The following PDE1A variants were observed in gnomAD, a reference collection of about 807,000 sequenced individuals.
PDE1A encodes phosphodiesterase 1A.
A neutral mutation model predicts 61.7 loss-of-function variants in PDE1A; 35 were observed. The observed-to-expected ratio is 0.57, with a 90% CI of 0.43 to 0.75. PDE1A has a LOEUF of 0.75. Among genes scored for constraint, PDE1A ranks in the 30% least tolerant of loss-of-function variants. The pLI, the probability that PDE1A is intolerant of heterozygous loss-of-function variation, is 0.00. For synonymous variants in PDE1A, 232 were observed against 213.2 expected (o/e 1.09, Z -0.77); for missense variants, 597 against 630.6 (o/e 0.95, Z 0.57).
chr2:182,565,501 G>A, the PDE1A span, among the ~76,000 whole-genome samples: 16 of 152,124 alleles, frequency 1.1e-4, no homozygotes, highest in Non-Finnish European at 2.4e-4. Flanking sequence ...TCGGGGGTCA[G>A]GGATCAGGGA....
downstream of PDE1A, among the ~76,000 whole-genome samples, chr2:182,145,195 A>G (rs972770356): frequency 2.0e-5 from 3 of 152,258 alleles, no homozygotes; most frequent in Admixed American, 6.5e-5. Context: ...CATATACTGT[A>G]GGACTGTATC....
chr2:182,453,135 T>C (rs1180117343), intron 2 of PDE1A, among the ~76,000 whole-genome samples: 1 of 152,152 alleles, frequency 6.6e-6, no homozygotes, highest in African/African-American at 2.4e-5. Flanking sequence ...GGCCTAAAAA[T>C]GATCAGATAA....
At chr2:182,666,737 A>G in the PDE1A span, among the ~76,000 whole-genome samples, 97,579 of 152,022 alleles carry the variant, frequency 0.64, 31,814 homozygotes, top group Middle Eastern at 0.78. Flanking sequence ...ACCAGGGAAG[A>G]AATTACCAGC....
At chr2:182,593,060 A>C in the PDE1A span, among the ~76,000 whole-genome samples, 1 of 152,208 alleles carries the variant, frequency 6.6e-6, no homozygotes, top group Non-Finnish European at 1.5e-5. Context: ...TCTACACACA[A>C]CACCATTAAT....
At chr2:182,685,293 A>T in the PDE1A span, among the ~76,000 whole-genome samples, 2 of 152,182 alleles carry the variant, frequency 1.3e-5, no homozygotes, top group Non-Finnish European at 2.9e-5. Context: ...TTTGTAGTTA[A>T]CAAAAGGACA....
chr2:182,542,285 A>G, the PDE1A span, among the ~76,000 whole-genome samples: 1 of 152,158 alleles, frequency 6.6e-6, no homozygotes, highest in East Asian at 1.9e-4. Flanking sequence ...GCTCAATTTC[A>G]CAAAAAGATG....
the PDE1A span, among the ~76,000 whole-genome samples, chr2:182,642,219 G>A: frequency 6.6e-6 from 1 of 152,098 alleles, no homozygotes. Flanking sequence ...GGGGCTCAAC[G>A]CTTTGGAAAC....
chr2:182,601,901 T>C, the PDE1A span, among the ~76,000 whole-genome samples: 6 of 152,156 alleles, frequency 3.9e-5, no homozygotes, highest in African/African-American at 4.8e-5. Context: ...AATTGGTCCA[T>C]GGGCAGCCAT....
chr2:182,609,644 A>T, the PDE1A span, among the ~76,000 whole-genome samples: 2 of 152,342 alleles, frequency 1.3e-5, no homozygotes, highest in Middle Eastern at 3.4e-3. Context: ...ACCCACCAGA[A>T]GGAACAAACT....
chr2:182,297,770 C>T (rs1444812793), intron 1 of PDE1A, among the ~76,000 whole-genome samples: 1 of 152,178 alleles, frequency 6.6e-6, no homozygotes, highest in Non-Finnish European at 1.5e-5. Flanking sequence ...CCTATGCTTC[C>T]AGAATCACAC....
intron 13 of PDE1A, among the ~76,000 whole-genome samples, chr2:182,148,710 C>G (rs1049772816): frequency 6.6e-6 from 1 of 152,150 alleles, no homozygotes. Flanking sequence ...TCTACACAGC[C>G]GTCTCTCCTT....
chr2:182,369,494 G>T (rs558749877), intron 1 of PDE1A, among the ~76,000 whole-genome samples: 1 of 152,182 alleles, frequency 6.6e-6, no homozygotes, highest in South Asian at 2.1e-4. Context: ...GGAAATAAGG[G>T]GGAAACGTTT....
At chr2:182,453,945 G>C (rs567295184) in intron 2 of PDE1A, among the ~76,000 whole-genome samples, 3 of 151,800 alleles carry the variant, frequency 2.0e-5, no homozygotes, top group Admixed American at 2.0e-4. Context: ...AGGAAATAAA[G>C]GGTATTCAAT....
At chr2:182,488,862 T>C (rs1688193354) in intron 2 of PDE1A, among the ~76,000 whole-genome samples, 1 of 152,132 alleles carries the variant, frequency 6.6e-6, no homozygotes, top group Non-Finnish European at 1.5e-5. Flanking sequence ...CGAAAAACAG[T>C]GGATGTCAAC....
chr2:182,370,839 G>A (rs773482370), intron 1 of PDE1A, among the ~76,000 whole-genome samples: 3 of 152,232 alleles, frequency 2.0e-5, no homozygotes, highest in Non-Finnish European at 4.4e-5. Context: ...TTAGGAGTTC[G>A]TTGAATGCAT....
At chr2:182,309,894 G>A (rs182707762) in intron 1 of PDE1A, among the ~76,000 whole-genome samples, 27 of 152,178 alleles carry the variant, frequency 1.8e-4, no homozygotes, top group African/African-American at 6.3e-4. Flanking sequence ...GTTAAAATAG[G>A]AATCAAAGGC....
the PDE1A span, among the ~76,000 whole-genome samples, chr2:182,637,953 A>C: frequency 6.6e-6 from 1 of 152,160 alleles, no homozygotes; most frequent in Non-Finnish European, 1.5e-5. Context: ...CATACAAAAA[A>C]GGAAAAGACC....
At chr2:182,552,148 AT>A in the PDE1A span, among the ~76,000 whole-genome samples, 1 of 152,252 alleles carries the variant, frequency 6.6e-6, no homozygotes, top group Non-Finnish European at 1.5e-5. Context: ...GAACCCAAAT[AT>A]TCCCATTACC....
At chr2:182,285,680 T>G (rs1694110576) in intron 1 of PDE1A, among the ~76,000 whole-genome samples, 1 of 152,100 alleles carries the variant, frequency 6.6e-6, no homozygotes, top group Non-Finnish European at 1.5e-5. Flanking sequence ...TGCAGCAGCT[T>G]GGCTTGGCAT....
Sources: gnomAD v4.1 joint callset for allele counts (sites outside exome capture counted in the v4.1 genomes callset) on GRCh38, gnomAD v4.1.1 for gene constraint, MANE v1.5 for transcripts, NCBI Gene and HGNC (gene_info 2026-07-23, HGNC 2026-07-21) for gene names.